The following NUFIP1 variants were observed in gnomAD, a reference collection of about 807,000 sequenced individuals.
NUFIP1 encodes nuclear FMR1 interacting protein 1.
In NUFIP1, 38 loss-of-function variants were observed where a neutral mutation model predicts 56.2. The ratio of observed to expected loss-of-function variants is 0.68; its 90% CI spans 0.52 to 0.89. The LOEUF (loss-of-function observed/expected upper bound fraction) is 0.89. Among genes scored for constraint, NUFIP1 ranks in the 40% least tolerant of loss-of-function variants. The pLI is 0.00. For synonymous variants in NUFIP1, 215 were observed against 212.4 expected, an observed-to-expected ratio of 1.01 and a Z score of -0.10; for missense variants, 567 against 605.8, an observed-to-expected ratio of 0.94 and a Z score of 0.67.
At chr13:44,975,615 G>A (rs1398119043) in intron 5 of NUFIP1, among the ~76,000 whole-genome samples, 4 of 152,138 alleles carry the variant, frequency 2.6e-5, no homozygotes, top group African/African-American at 7.2e-5. Flanking sequence ...CCTTGAACAT[G>A]CTAACCTCTG....
At chr13:44,982,199 T>C (rs1308341701) in intron 1 of NUFIP1, 45 bp from the exon 2 acceptor site, 2 of 945,330 alleles carry the variant, frequency 2.1e-6, no homozygotes, top group Non-Finnish European at 2.9e-6. Context: ...ATGTAATTAT[T>C]TAAATTATAA....
chr13:44,986,639 C>T (rs982589669), intron 1 of NUFIP1, among the ~76,000 whole-genome samples: 6 of 150,288 alleles, frequency 4.0e-5, no homozygotes, highest in African/African-American at 1.5e-4. Context: ...TTGCAATGAG[C>T]CAAGATCGAG....
At chr13:44,957,456 C>T (rs1871284719) in intron 7 of NUFIP1, among the ~76,000 whole-genome samples, 1 of 152,194 alleles carries the variant, frequency 6.6e-6, no homozygotes, top group East Asian at 1.9e-4. Context: ...AGTTGATCCA[C>T]CTGCCTCAGC....
chr13:44,979,189 C>T lies in NUFIP1; in HGVS notation c.734+1G>A, dbSNP rs1872093914. The T allele has an allele frequency of 6.2e-7, 1 of 1,610,266 alleles. No homozygotes were observed. The highest frequency in any genetic ancestry group is 8.5e-7 in the Non-Finnish European group (1 of 1,177,214). The stretch of plus-strand genomic sequence containing the variant: ...TTTCACCAGTTCTGAACTCTACTCA[C>T]TTCCTTCTTTCTTCCCTCCACCGTG... On this transcript the variant is annotated splice_donor_variant, in intron 5 of 9. Transcript: ENST00000379161. LOFTEE classifies it high-confidence loss of function.
intron 1 of NUFIP1, among the ~76,000 whole-genome samples, chr13:44,982,906 G>A (rs1872243803): frequency 6.6e-6 from 1 of 152,154 alleles, no homozygotes; most frequent in Non-Finnish European, 1.5e-5. Flanking sequence ...TACTGTGGAG[G>A]CTGAGGTGGG....
At chr13:44,961,532 C>A (rs1399921014) in intron 6 of NUFIP1, among the ~76,000 whole-genome samples, 3 of 152,198 alleles carry the variant, frequency 2.0e-5, no homozygotes, top group Non-Finnish European at 4.4e-5. Context: ...TATCTGCAAT[C>A]CAGAGATTTT....
intron 2 of NUFIP1, 34 bp downstream of exon 2, chr13:44,982,038 C>CA (rs1872210218): frequency 8.4e-7 from 1 of 1,190,358 alleles, no homozygotes; most frequent in Non-Finnish European, 1.2e-6. Context: ...ACATAGGGAC[C>CA]AAGGGGTCAA....
At chr13:44,966,460 A>G (rs1439960021) in intron 5 of NUFIP1, among the ~76,000 whole-genome samples, 1 of 151,744 alleles carries the variant, frequency 6.6e-6, no homozygotes, top group South Asian at 2.1e-4. Flanking sequence ...GATTACAGAC[A>G]CCTGCCATCA....
At chr13:44,964,542 G>A (rs1411335176) in intron 6 of NUFIP1, among the ~76,000 whole-genome samples, 5 of 152,188 alleles carry the variant, frequency 3.3e-5, no homozygotes, top group African/African-American at 1.2e-4. Flanking sequence ...TCCCTGAATT[G>A]AGGAACTGGA....
At chr13:44,945,942 T>C (rs566185798) in intron 8 of NUFIP1, among the ~76,000 whole-genome samples, 1 of 152,202 alleles carries the variant, frequency 6.6e-6, no homozygotes, top group South Asian at 2.1e-4. Context: ...AAAAGAAGTA[T>C]AGGGACAAGT....
Position 44,943,565 on chromosome 13 carries a change from T to C in NUFIP1, c.1248A>G (p.Ser416=), listed in dbSNP as rs1467275853. Residue 416 remains serine (S), a synonymous_variant, in exon 9 of 10, where the codon TCA becomes TCG. Coordinates refer to ENST00000379161, the MANE Select transcript of NUFIP1 (RefSeq NM_012345.3). ...TCTTTCGGTTCTCACTCTTGGCTTC[T>C]GAAAAATTTCTAACAGTTGCTTTAA... is the stretch of plus-strand genomic sequence containing the variant. The part of the protein sequence containing the change: ...QDVKATVRNF[S]EAKSENRKKS... 3.7e-6 allele frequency: 6 copies of C among 1,614,186 alleles called. No individual in the cohort carries two copies. The African/African-American group carries it at 4.0e-5, about 11-fold the overall frequency.
At chr13:44,969,978 T>C (rs1334859222) in intron 5 of NUFIP1, among the ~76,000 whole-genome samples, 1 of 152,218 alleles carries the variant, frequency 6.6e-6, no homozygotes, top group Admixed American at 6.5e-5. Context: ...ATCTCCTGTG[T>C]TGGAATTCTG....
At position 44,989,196 on chromosome 13, in the gene NUFIP1, A is replaced by T; in HGVS notation, c.241T>A (p.Phe81Ile). ...AQSLPGAPPP[F>I]DAQILPGAQP... The stretch of plus-strand genomic sequence containing the variant: ...GCCCCGGGAAGAATCTGGGCGTCGA[A>T]GGGGGGCGGAGCCCCGGGGAGAGAC... The change falls in exon 1 of 10, where the codon TTC becomes ATC. Residue 81 changes from phenylalanine (F) to isoleucine (I), a missense_variant. Phe to Ile is a conservative substitution (Grantham distance 21). Transcript: ENST00000379161. The T allele has an allele frequency of 1.2e-6, 2 of 1,610,748 alleles. No individual in the cohort carries two copies. Among genetic ancestry groups the T allele is most frequent in the African/African-American group, 1.3e-5 (1 of 74,872 alleles).
chr13:44,966,472 G>C (rs1871605952), intron 5 of NUFIP1, among the ~76,000 whole-genome samples: 1 of 151,678 alleles, frequency 6.6e-6, no homozygotes, highest in African/African-American at 2.4e-5. Context: ...CTGCCATCAC[G>C]CCCAGCTAAT....
intron 7 of NUFIP1, among the ~76,000 whole-genome samples, chr13:44,958,658 CTAA>C (rs1478071851): frequency 6.6e-6 from 1 of 152,144 alleles, no homozygotes. Flanking sequence ...AATTCACTCA[CTAA>C]TAATCTTTGG....
At chr13:44,988,538 G>A (rs1227053838) in intron 1 of NUFIP1, among the ~76,000 whole-genome samples, 1 of 152,078 alleles carries the variant, frequency 6.6e-6, no homozygotes, top group Non-Finnish European at 1.5e-5. Flanking sequence ...ACCTTCTAAT[G>A]CACAATATTT....
At chr13:44,988,964 G>C (rs1349524036) in intron 1 of NUFIP1, 61 bp downstream of exon 1, 1 of 1,537,674 alleles carries the variant, frequency 6.5e-7, no homozygotes, top group Non-Finnish European at 8.9e-7. Flanking sequence ...GCAGAGAAAG[G>C]GGAGAGGAAA....
intron 6 of NUFIP1, among the ~76,000 whole-genome samples, chr13:44,962,129 A>G (rs1270502233): frequency 6.6e-6 from 1 of 152,256 alleles, no homozygotes; most frequent in Non-Finnish European, 1.5e-5. Context: ...AAGGAAGAAC[A>G]AATTAAAAAC....
At chr13:44,960,883 T>C (rs1871400110) in intron 6 of NUFIP1, among the ~76,000 whole-genome samples, 2 of 151,806 alleles carry the variant, frequency 1.3e-5, no homozygotes, top group Admixed American at 1.3e-4. Flanking sequence ...GGCAACTTCG[T>C]CTCTACTAAA....
Sources: allele counts gnomAD v4.1 joint callset (sites outside exome capture counted in the v4.1 genomes callset), GRCh38; gene constraint gnomAD v4.1.1; transcripts MANE v1.5; gene names NCBI Gene and HGNC (gene_info 2026-07-23, HGNC 2026-07-21).